Variants in LRBA observed in about 807,000 individuals in gnomAD.
LRBA encodes the protein LPS responsive beige-like anchor protein.
Under a neutral mutation model 330.0 loss-of-function variants are expected in LRBA, and 176 were observed. That is an observed-to-expected ratio of 0.53 (90% CI 0.47 to 0.60). The LOEUF is 0.60. Ranked by LOEUF, LRBA falls within the 20% of genes least tolerant of loss-of-function variation. The pLI is 0.00. For synonymous variants in LRBA, 1,230 were observed against 1,193.0 expected, an observed-to-expected ratio of 1.03 and a Z score of -0.64; for missense variants, 3,259 against 3,444.8, an observed-to-expected ratio of 0.95 and a Z score of 1.35.
At chr4:150,639,755 A>ATG (rs1315117133) in intron 37 of LRBA, among the ~76,000 whole-genome samples, 882 of 20,204 alleles carry the variant, frequency 0.044, 303 homozygotes, top group Non-Finnish European at 0.063. Context: ...ATATATATAT[A>ATG]TATATATATA....
intron 46 of LRBA, 21 bp from the exon 47 acceptor site, chr4:150,415,611 A>C: frequency 2.1e-6 from 3 of 1,399,930 alleles, no homozygotes; most frequent in Non-Finnish European, 3.0e-6. Context: ...ATAAAAGACA[A>C]TGTGATATTA....
chr4:150,334,590 G>T (rs1734395425), intron 48 of LRBA, among the ~76,000 whole-genome samples: 1 of 151,836 alleles, frequency 6.6e-6, no homozygotes, highest in Non-Finnish European at 1.5e-5. Flanking sequence ...AATCTGGGGG[G>T]TATATTCCAA....
Position 150,282,762 on chromosome 4 carries a change from C to G in LRBA, c.8120-116G>C, listed in dbSNP as rs3749573. On this transcript the variant is annotated intron_variant, in intron 54 of 56. Coordinates refer to ENST00000651943, the MANE Select transcript of LRBA (RefSeq NM_001364905.1). ...GAACCACACTATAGATGTAGAAAGC[C>G]TTTAAAAAACTTCCATCTTACGTGT... 1.4e-3 allele frequency: 989 copies of G among 690,088 alleles called. 15 individuals are homozygous for G. The East Asian group carries it at 0.026, about 18-fold the overall frequency. 42.7% of individuals were successfully genotyped at this position (690,088 alleles called of 1,614,324 possible). A position where few individuals can be genotyped will look rare whatever the true frequency, so the allele number is the denominator to read the frequency against.
chr4:150,387,759 T>C (rs1281638063), intron 47 of LRBA, among the ~76,000 whole-genome samples: 3 of 152,104 alleles, frequency 2.0e-5, no homozygotes, highest in Non-Finnish European at 4.4e-5. Flanking sequence ...GCATAACATT[T>C]GAGCAAAAAT....
intron 35 of LRBA, among the ~76,000 whole-genome samples, chr4:150,754,441 T>C (rs541594760): frequency 1.3e-3 from 197 of 149,146 alleles, no homozygotes; most frequent in Non-Finnish European, 2.4e-3. Flanking sequence ...CAATCCAGGA[T>C]TGAAGTAAAC....
At chr4:150,504,222 A>T (rs1045380178) in intron 40 of LRBA, among the ~76,000 whole-genome samples, 14 of 152,180 alleles carry the variant, frequency 9.2e-5, no homozygotes, top group African/African-American at 3.1e-4. Context: ...CCAACATTCA[A>T]ATTCAGGAAA....
At chr4:150,634,530 G>A (rs538777312) in intron 37 of LRBA, among the ~76,000 whole-genome samples, 7 of 152,174 alleles carry the variant, frequency 4.6e-5, no homozygotes, top group Non-Finnish European at 8.8e-5. Context: ...AGTATGAATA[G>A]GGATGAAGAA....
At chr4:150,757,157 G>A (rs896405) in intron 35 of LRBA, among the ~76,000 whole-genome samples, 104,894 of 152,058 alleles carry the variant, frequency 0.69, 42,015 homozygotes, top group Non-Finnish European at 0.9. Flanking sequence ...GTTTAAAATG[G>A]AGTGTTGTTT....
chr4:151,012,137 T>C (rs1381733135), intron 2 of LRBA, among the ~76,000 whole-genome samples: 2 of 152,040 alleles, frequency 1.3e-5, no homozygotes, highest in African/African-American at 4.8e-5. Context: ...GGTAACTAAC[T>C]GAACAGACTC....
At chr4:150,360,460 T>C (rs1738533314) in intron 47 of LRBA, among the ~76,000 whole-genome samples, 1 of 152,214 alleles carries the variant, frequency 6.6e-6, no homozygotes, top group African/African-American at 2.4e-5. Context: ...ACACTTACAA[T>C]GGACAGCACA....
chr4:150,475,732 A>T (rs928140084), intron 42 of LRBA, among the ~76,000 whole-genome samples: 4 of 134,162 alleles, frequency 3.0e-5, no homozygotes, highest in Non-Finnish European at 4.7e-5. Context: ...CTATCTCTAT[A>T]AAAAAAAAAA....
At chr4:150,905,733 G>C in intron 13 of LRBA, 105 bp downstream of exon 13, 1 of 989,656 alleles carries the variant, frequency 1.0e-6, no homozygotes, top group Non-Finnish European at 1.5e-6. Flanking sequence ...CTGAAGTCTT[G>C]CATAATAGTA....
At chr4:150,951,796 T>G (rs1192083622) in intron 2 of LRBA, among the ~76,000 whole-genome samples, 4 of 152,250 alleles carry the variant, frequency 2.6e-5, no homozygotes, top group Non-Finnish European at 2.9e-5. Flanking sequence ...GATTCAGGTG[T>G]GTATTAGATA....
intron 50 of LRBA, among the ~76,000 whole-genome samples, chr4:150,317,863 T>A (rs1394760352): frequency 1.3e-5 from 2 of 152,190 alleles, no homozygotes; most frequent in Non-Finnish European, 2.9e-5. Context: ...TTGAACCATA[T>A]GAAATTGCCA....
At chr4:150,671,449 G>T (rs557354950) in intron 37 of LRBA, among the ~76,000 whole-genome samples, 1 of 152,180 alleles carries the variant, frequency 6.6e-6, no homozygotes, top group Admixed American at 6.5e-5. Flanking sequence ...ATACCCAAGA[G>T]ATATTCATTA....
intron 36 of LRBA, among the ~76,000 whole-genome samples, chr4:150,721,836 C>T (rs1164290322): frequency 2.6e-5 from 4 of 152,038 alleles, no homozygotes; most frequent in African/African-American, 7.2e-5. Flanking sequence ...AGGCTGGTCG[C>T]GAACTCCTGA....
chr4:150,579,172 G>A, intron 40 of LRBA: 1 of 455,526 alleles, frequency 2.2e-6, no homozygotes, highest in Middle Eastern at 3.3e-4. Context: ...CTGCCAGTTC[G>A]TTTTAATACA....
At chr4:150,803,022 CAAAAAAAA>C (rs746026878) in intron 33 of LRBA, among the ~76,000 whole-genome samples, 1 of 34,796 alleles carries the variant, frequency 2.9e-5, no homozygotes, top group Admixed American at 3.4e-4. Flanking sequence ...ACTCTGTCTC[CAAAAAAAA>C]AAAAAAAAAA....
At chr4:150,452,988 C>T (rs978754452) in intron 44 of LRBA, among the ~76,000 whole-genome samples, 18 of 151,958 alleles carry the variant, frequency 1.2e-4, no homozygotes, top group African/African-American at 4.1e-4. Context: ...GATAAATTAA[C>T]AAGATATGTG....
Sources: allele counts gnomAD v4.1 joint callset (sites outside exome capture counted in the v4.1 genomes callset), GRCh38; gene constraint gnomAD v4.1.1; transcripts MANE v1.5; gene names NCBI Gene and HGNC (gene_info 2026-07-23, HGNC 2026-07-21).